Variants in TNRC18 observed in about 807,000 individuals in gnomAD.
TNRC18 encodes the protein trinucleotide repeat containing 18.
A neutral mutation model predicts 226.7 loss-of-function variants in TNRC18; 69 were observed. That is an observed-to-expected ratio of 0.30 (90% confidence interval 0.25 to 0.37). TNRC18 has a LOEUF of 0.37. Ranked by LOEUF, TNRC18 falls within the 10% of genes least tolerant of loss-of-function variation. The pLI, the probability that TNRC18 is intolerant of heterozygous loss-of-function variation, is 1.00. For missense variants in TNRC18, 4,754 were observed against 4,256.6 expected (o/e 1.12, Z -3.25); for synonymous variants, 2,449 against 1,927.6 (o/e 1.27, Z -7.09).
chr7:5,418,060 G>A (rs1448102578), intron 2 of TNRC18, among the ~76,000 whole-genome samples: 1 of 152,126 alleles, frequency 6.6e-6, no homozygotes, highest in Non-Finnish European at 1.5e-5. Context: ...CTCTATTCAT[G>A]TACCCCTCCA....
At chr7:5,409,451 G>A (rs1048338842) in intron 2 of TNRC18, among the ~76,000 whole-genome samples, 1 of 151,956 alleles carries the variant, frequency 6.6e-6, no homozygotes, top group African/African-American at 2.4e-5. Context: ...CTAGCCAGGC[G>A]TGGTGGCGCA....
Position 5,313,200 on chromosome 7 carries a change from C to T in TNRC18, c.7691G>A (p.Ser2564Asn). 6.5e-7 allele frequency: 1 copy of T among 1,537,162 alleles called. No individual in the cohort carries two copies. The highest frequency in any genetic ancestry group is 8.8e-7 in the Non-Finnish European group (1 of 1,138,680). Residue 2564 changes from serine to asparagine, a missense_variant, in exon 27 of 30, where the codon AGT becomes AAT. By Grantham distance (46) the Ser-to-Asn change is conservative. Coordinates refer to ENST00000430969, the MANE Select transcript of TNRC18 (RefSeq NM_001080495.3). ...GCTGCTGCTGCTACTGCTGCCACTACTGCTGCTGCTGCTGCTCTCGGACTC... is the reference window on the plus strand; with the variant it reads ...GCTGCTGCTGCTACTGCTGCCACTATTGCTGCTGCTGCTGCTCTCGGACTC... ...AEESESSSSS[S>N]SGSSSSSSSS...
At chr7:5,359,266 G>T in intron 15 of TNRC18, 132 bp downstream of exon 15, 1 of 929,932 alleles carries the variant, frequency 1.1e-6, no homozygotes, top group Non-Finnish European at 1.7e-6. Flanking sequence ...GAGTCATTCC[G>T]GCATTGAAGA....
intron 14 of TNRC18, 36 bp downstream of exon 14, chr7:5,361,558 G>C (rs1345728205): frequency 4.8e-6 from 7 of 1,462,548 alleles, no homozygotes; most frequent in Non-Finnish European, 6.3e-6. Flanking sequence ...CTCAAGCTGT[G>C]TGCCAGTCCC....
intron 5 of TNRC18, among the ~76,000 whole-genome samples, chr7:5,381,051 G>A (rs992019586): frequency 6.6e-6 from 1 of 152,058 alleles, no homozygotes; most frequent in Admixed American, 6.6e-5. Flanking sequence ...CTGTCACTGT[G>A]AATGGTCTCA....
Position 5,313,686 on chromosome 7 carries a change from G to A in TNRC18, c.7205C>T (p.Ala2402Val). ...CTCGGGTGCTGGGCAGCTGGTGAAG[G>A]CGGGTGGTGCGGGACTGGGCTGCGG... is the stretch of plus-strand genomic sequence containing the variant. ...APPQPSPAPP[A>V]FTSCPAPEPF... Residue 2402 changes from alanine to valine, a missense_variant, in exon 27 of 30, where the codon GCC becomes GTC. Ala to Val is a moderately conservative substitution (Grantham distance 64). Transcript: ENST00000430969. 1.2e-6 allele frequency: 2 copies of A among 1,605,062 alleles called. No homozygotes were observed. Among genetic ancestry groups the A allele is most frequent in the East Asian group, 2.2e-5 (1 of 44,722 alleles).
intron 14 of TNRC18, 66 bp downstream of exon 14, chr7:5,361,528 G>C (rs1232733006): frequency 9.8e-6 from 14 of 1,424,516 alleles, no homozygotes; most frequent in Non-Finnish European, 1.2e-5. Context: ...CAGGCCCTGC[G>C]TGGGGCCCGG....
At position 5,390,564 on chromosome 7, in the gene TNRC18, G is replaced by T. The variant is rs1261536657; in HGVS notation, c.408C>A (p.Pro136=). The T allele has an allele frequency of 6.2e-7, 1 of 1,613,250 alleles. No individual in the cohort carries two copies. Among genetic ancestry groups the T allele is most frequent in the African/African-American group, 1.3e-5 (1 of 74,990 alleles). ...GGCTGAGGAGGGGGCTCCCACTGCT[G>T]GGGGGCTCCAGGTGGTTCAGGTGGA... ...SYLHLNHLEP[P]SSGSPLLSQL... The change falls in exon 4 of 30, where the codon CCC becomes CCA. Residue 136 remains proline, a synonymous_variant. Coordinates refer to ENST00000430969, the MANE Select transcript of TNRC18 (RefSeq NM_001080495.3).
chr7:5,307,857 GCTAAGAGGGGCCC>G lies in TNRC18; in HGVS notation c.*236_*248del. ...GGGCCGGTCCGGCCATACCCTGATAGCTAAGAGGGGCCCCTGTCCTGGGGGCACTGAGGGGTTG... is the reference window on the plus strand; with the variant it reads ...GGGCCGGTCCGGCCATACCCTGATAGCTGTCCTGGGGGCACTGAGGGGTTG... On this transcript the variant is annotated 3_prime_UTR_variant, in exon 30 of 30. Transcript: ENST00000430969. 3 of 554,604 alleles carry G rather than the reference GCTAAGAGGGGCCC, an allele frequency of 5.4e-6. No individual in the cohort carries two copies. Among genetic ancestry groups the G allele is most frequent in the Non-Finnish European group, 9.8e-6 (3 of 306,934 alleles). 34.4% of individuals were successfully genotyped at this position (554,604 alleles called of 1,614,324 possible). A position where few individuals can be genotyped will look rare whatever the true frequency, so the allele number is the denominator to read the frequency against.
intron 25 of TNRC18, among the ~76,000 whole-genome samples, 172 bp from the exon 26 acceptor site, chr7:5,315,320 G>A (rs559598669): frequency 3.3e-5 from 5 of 152,226 alleles, no homozygotes; most frequent in South Asian, 2.1e-4. Flanking sequence ...GGGAAACCCC[G>A]TCTGCAGGGA....
Position 5,394,003 on chromosome 7 carries a change from C to T in TNRC18, c.343+437G>A, listed in dbSNP as rs576889990. 3.3e-5 allele frequency among the ~76,000 whole-genome samples: 5 copies of T among 152,220 alleles called. No individual in the cohort carries two copies. Among genetic ancestry groups the T allele is most frequent in the Admixed American group, 2.0e-4 (3 of 15,278 alleles). ...GATTACAGCTGTGAGCCACCATGCC[C>T]GGCCTGCTCCTGTAATTATTAATGA... On this transcript the variant is annotated intron_variant, in intron 3 of 29. Transcript: ENST00000430969. This position sits in a 1 kb window ranked among gnomAD's most constrained non-coding sequence, Gnocchi z 4.5.
intron 2 of TNRC18, among the ~76,000 whole-genome samples, chr7:5,419,198 C>A (rs1782381950): frequency 6.6e-6 from 1 of 152,276 alleles, no homozygotes; most frequent in African/African-American, 2.4e-5. Context: ...GGCCGTCTGA[C>A]TGCTGCGTCA....
Position 5,307,509 on chromosome 7 carries a change from G to C in TNRC18, c.*597C>G, listed in dbSNP as rs753471149. On this transcript the variant is annotated 3_prime_UTR_variant, in exon 30 of 30. Coordinates refer to ENST00000430969, the MANE Select transcript of TNRC18 (RefSeq NM_001080495.3). ...CGGGCCCTCTCCACCTGGTGCCTTT[G>C]ACAGACACTCCGGGCTGCAACCCCA... 2.2e-6 allele frequency: 1 copy of C among 447,398 alleles called. No homozygotes were observed. Among genetic ancestry groups the C allele is most frequent in the Non-Finnish European group, 4.5e-6 (1 of 222,792 alleles). The allele number at this position is 447,398 out of a possible 1,614,324, so 27.7% of individuals were successfully genotyped here.
intron 19 of TNRC18, among the ~76,000 whole-genome samples, chr7:5,332,415 G>A (rs959415527): frequency 6.6e-6 from 1 of 152,208 alleles, no homozygotes; most frequent in Non-Finnish European, 1.5e-5. Flanking sequence ...CCTGGTGACA[G>A]AGCAAGAGTT....
At position 5,388,596 on chromosome 7, in the gene TNRC18, G is replaced by A. The variant is rs1314502608; in HGVS notation, c.1228C>T (p.Leu410=). Residue 410 remains leucine, a synonymous_variant, in exon 5 of 30, where the codon CTG becomes TTG. Coordinates refer to ENST00000430969, the MANE Select transcript of TNRC18 (RefSeq NM_001080495.3). ...REREAGRPGV[L]QAPPGSPRPL... is the part of the protein sequence containing the mutation. The stretch of plus-strand genomic sequence containing the variant: ...CGCGGGGAGCCGGGGGGCGCCTGCA[G>A]GACCCCTGGCCTGCCAGCCTCGCGC... 7.7e-7 allele frequency: 1 copy of A among 1,299,204 alleles called. No homozygotes were observed. Among genetic ancestry groups the A allele is most frequent in the Non-Finnish European group, 9.8e-7 (1 of 1,024,500 alleles). 80.5% of individuals were successfully genotyped at this position (1,299,204 alleles called of 1,614,324 possible).
intron 17 of TNRC18, among the ~76,000 whole-genome samples, chr7:5,347,208 GAT>G (rs1417263191): frequency 1.8e-4 from 25 of 141,552 alleles, no homozygotes; most frequent in African/African-American, 6.6e-4. Flanking sequence ...TTTTTTTTGA[GAT>G]AGAGTCTCGC....
At position 5,423,489 on chromosome 7, in the gene TNRC18, G is replaced by A. The variant is rs1049236426; in HGVS notation, c.-292C>T. 5 of 152,110 alleles carry A rather than the reference G, an allele frequency of 3.3e-5. No homozygotes were observed. Among genetic ancestry groups the A allele is most frequent in the African/African-American group, 1.2e-4 (5 of 41,444 alleles). 9.4% of individuals were successfully genotyped at this position (152,110 alleles called of 1,614,324 possible). A position where few individuals can be genotyped will look rare whatever the true frequency, so the allele number is the denominator to read the frequency against. On this transcript the variant is annotated 5_prime_UTR_variant, in exon 1 of 30. Coordinates refer to ENST00000430969, the MANE Select transcript of TNRC18 (RefSeq NM_001080495.3). ...CCAGGCTCCGGCGACAACGACTCCGGCGGCGGCCCCGGCTCCCGGCGCAGC... is the reference window on the plus strand; with the variant it reads ...CCAGGCTCCGGCGACAACGACTCCGACGGCGGCCCCGGCTCCCGGCGCAGC...
Position 5,315,078 on chromosome 7 carries a change from A to G in TNRC18, c.6933T>C (p.Thr2311=), listed in dbSNP as rs749016779. ...CCGTGCCACCATCTTTGCCCTCCCCAGTGTCTTTGCTGGTCTTCCGGCTGC... is the reference window on the plus strand; with the variant it reads ...CCGTGCCACCATCTTTGCCCTCCCCGGTGTCTTTGCTGGTCTTCCGGCTGC... The part of the protein sequence containing the change: ...KRRSRKTSKD[T]GEGKDGGTAG... The change falls in exon 26 of 30, where the codon ACT becomes ACC. Residue 2311 remains threonine, a synonymous_variant. Transcript: ENST00000430969. 1 of 1,612,444 alleles carries G rather than the reference A, an allele frequency of 6.2e-7. No homozygotes were observed. The highest frequency in any genetic ancestry group is 1.3e-5 in the African/African-American group (1 of 74,840).
chr7:5,384,260 G>A (rs942863518), intron 5 of TNRC18, among the ~76,000 whole-genome samples: 11 of 151,864 alleles, frequency 7.2e-5, no homozygotes, highest in East Asian at 1.9e-4. Flanking sequence ...GAGCCACCAC[G>A]CCCAACCTAT....
Sources: gnomAD v4.1 joint callset for allele counts (sites outside exome capture counted in the v4.1 genomes callset) on GRCh38, gnomAD v4.1.1 for gene constraint, Gnocchi (gnomAD v3.1) non-coding constraint, MANE v1.5 for transcripts, NCBI Gene and HGNC (gene_info 2026-07-23, HGNC 2026-07-21) for gene names.